Variants in HUWE1 observed in about 807,000 individuals in gnomAD.
The protein encoded by HUWE1 is HECT, UBA and WWE domain containing E3 ubiquitin protein ligase 1, also known as E3 ubiquitin-protein ligase HUWE1.
In HUWE1, 18 loss-of-function variants were observed where a neutral mutation model predicts 299.4. The observed-to-expected ratio is 0.06, with a 90% CI of 0.04 to 0.09. HUWE1 has a LOEUF of 0.09. Among genes scored for constraint, HUWE1 ranks in the 10% least tolerant of loss-of-function variants. The pLI is 1.00. For synonymous variants in HUWE1, 1,317 were observed against 1,286.1 expected (o/e 1.02, Z -0.51); for missense variants, 1,832 against 3,462.3 (o/e 0.53, Z 11.82).
intron 3 of HUWE1, among the ~76,000 whole-genome samples, chrX:53,666,692 C>A: frequency 9.0e-6 from 1 of 111,157 alleles, no homozygotes; most frequent in Admixed American, 9.6e-5. Flanking sequence ...CTCAGCTCCC[C>A]ACATGCTTTA....
At chrX:53,623,235 T>G (rs1408395712) in intron 19 of HUWE1, among the ~76,000 whole-genome samples, 1 of 111,560 alleles carries the variant, frequency 9.0e-6, no homozygotes, top group South Asian at 3.7e-4. Context: ...CTCCTTCTTC[T>G]AAGCTTCCCA....
At chrX:53,551,220 TTC>T in intron 64 of HUWE1, 31 bp from the exon 65 acceptor site, 1 of 1,210,997 alleles carries the variant, frequency 8.3e-7, no homozygotes, top group South Asian at 1.8e-5. Flanking sequence ...ATGAGGGCAT[TTC>T]TCCTGCCAGG....
At chrX:53,540,247 T>C (rs781979679) in intron 74 of HUWE1, among the ~76,000 whole-genome samples, 4 of 112,077 alleles carry the variant, frequency 3.6e-5, no homozygotes, top group Non-Finnish European at 7.5e-5. Flanking sequence ...CCTTGGAAAG[T>C]AGGCTGTCTT....
intron 61 of HUWE1, 44 bp from the exon 62 acceptor site, chrX:53,552,937 C>T (rs1248142574): frequency 5.0e-6 from 6 of 1,199,581 alleles, no homozygotes; most frequent in East Asian, 3.0e-5. Flanking sequence ...TATCTGGAAC[C>T]GGGGCAAAAT....
Position 53,534,522 on chromosome X carries a change from A to T in HUWE1, c.12825T>A (p.Ser4275=), listed in dbSNP as rs1556910083. ...GATGCCAGCAGCAGCTCACCTGAAT[A>T]GAGTTGGACTGGTACTTGTGGTATT... ...NTEYHKYQSN[S]IQIQWFWRAL... The change falls in exon 82 of 84, where the codon TCT becomes TCA. Residue 4275 remains serine (S), a synonymous_variant. Coordinates refer to ENST00000262854, the MANE Select transcript of HUWE1 (RefSeq NM_031407.7). The T allele has an allele frequency of 1.7e-6, 2 of 1,206,240 alleles. No homozygotes were observed. Among genetic ancestry groups the T allele is most frequent in the Admixed American group, 4.4e-5 (2 of 45,718 alleles).
chrX:53,542,726 T>C lies in HUWE1; in HGVS notation c.11380-187A>G. On this transcript the variant is annotated intron_variant, in intron 73 of 83. Transcript: ENST00000262854. ...TCCCAACTCTTCTGCTTTTCTCCAC[T>C]GTGTTTTGTAAGCTTTTCCCAACAG... 8 of 457,260 alleles carry C rather than the reference T, an allele frequency of 1.7e-5. No individual in the cohort carries two copies. In the South Asian group the frequency reaches 2.5e-4, roughly 14 times the overall value. The allele number at this position is 457,260 out of a possible 1,213,427, so 37.7% of individuals were successfully genotyped here.
chrX:53,606,637 A>T (rs781868528), intron 25 of HUWE1, among the ~76,000 whole-genome samples: 2 of 112,159 alleles, frequency 1.8e-5, no homozygotes, highest in East Asian at 5.6e-4. Context: ...ATGGAATATT[A>T]TTAGGCCTTA....
chrX:53,534,784 C>T, intron 81 of HUWE1, 87 bp from the exon 82 acceptor site: 1 of 832,525 alleles, frequency 1.2e-6, no homozygotes, highest in Non-Finnish European at 1.7e-6. Context: ...CCATCTACCA[C>T]TGTTAGCTGG....
intron 74 of HUWE1, among the ~76,000 whole-genome samples, chrX:53,540,412 T>C (rs1436556708): frequency 9.1e-6 from 1 of 109,555 alleles, no homozygotes; most frequent in Non-Finnish European, 1.9e-5. Flanking sequence ...CACTGCAACC[T>C]CCGCCTCCTG....
At position 53,654,062 on chromosome X, in the gene HUWE1, C is replaced by G. The variant is rs1557041711; in HGVS notation, c.45+1G>C. 8.5e-7 allele frequency: 1 copy of G among 1,172,769 alleles called. No homozygotes were observed. On this transcript the variant is annotated splice_donor_variant, in intron 4 of 83. Coordinates refer to ENST00000262854, the MANE Select transcript of HUWE1 (RefSeq NM_031407.7). LOFTEE classifies it high-confidence loss of function. ...AGCAAAGTAAACTTTTGGATACTTA[C>G]AGCCTCAGTAGGTGTCTTCTTCAGT...
intron 27 of HUWE1, 146 bp from the exon 28 acceptor site, chrX:53,602,804 C>CTA (rs2064941959): frequency 5.7e-6 from 2 of 348,307 alleles, no homozygotes. Context: ...AATAAAGCAT[C>CTA]TATAATTCCT....
intron 39 of HUWE1, among the ~76,000 whole-genome samples, chrX:53,585,825 C>A (rs1234179657): frequency 1.8e-5 from 2 of 111,190 alleles, no homozygotes; most frequent in African/African-American, 6.5e-5. Context: ...TAGCTGGGAC[C>A]ATAGGCACAC....
intron 7 of HUWE1, among the ~76,000 whole-genome samples, chrX:53,635,022 CATAT>C (rs2067116113): frequency 9.0e-6 from 1 of 110,879 alleles, no homozygotes; most frequent in East Asian, 2.8e-4. Flanking sequence ...AATTATTTTA[CATAT>C]ATTACATAAA....
intron 4 of HUWE1, among the ~76,000 whole-genome samples, chrX:53,648,955 T>C (rs1557038227): frequency 1.8e-5 from 2 of 111,885 alleles, no homozygotes; most frequent in African/African-American, 6.5e-5. Flanking sequence ...GGATTGAGCA[T>C]TTATAGTCAA....
intron 21 of HUWE1, 21 bp from the exon 22 acceptor site, chrX:53,615,856 GTTAGAA>G (rs1210672470): frequency 1.9e-5 from 21 of 1,095,691 alleles, no homozygotes; most frequent in Non-Finnish European, 2.5e-5. Context: ...AAAATGAACT[GTTAGAA>G]TTAGAAAGAC....
At position 53,536,195 on chromosome X, in the gene HUWE1, C is replaced by G. The variant is rs781831162; in HGVS notation, c.12483G>C (p.Leu4161=). 2 of 1,203,479 alleles carry G rather than the reference C, an allele frequency of 1.7e-6. No individual in the cohort carries two copies. Among genetic ancestry groups the G allele is most frequent in the Non-Finnish European group, 2.2e-6 (2 of 890,078 alleles). Residue 4161 remains leucine, a synonymous_variant, in exon 80 of 84, where the codon CTG becomes CTC. Coordinates refer to ENST00000262854, the MANE Select transcript of HUWE1 (RefSeq NM_031407.7). ...AGCCTAGTGTGGAGACATCATTTTC[C>G]AGCAGATAAACCAGACCTTGGTAGA... ...YHFYQGLVYL[L]ENDVSTLGYD...
In HUWE1 at chrX:53,589,724, A is replaced by G. The variant is rs1556976974; in HGVS notation, c.4284T>C (p.Ala1428=). The G allele has an allele frequency of 8.3e-7, 1 of 1,211,486 alleles. No homozygotes were observed. The highest frequency in any genetic ancestry group is 2.2e-5 in the Admixed American group (1 of 46,025). The change falls in exon 36 of 84, where the codon GCT becomes GCC. Residue 1428 remains alanine, a synonymous_variant. Transcript: ENST00000262854. ...GGAGCTCATCTTGTTCCAACGGGTC[A>G]GCATCCTGGAACTTCTCTAGACATT... ...EAKCLEKFQD[A]DPLEQDELHT...
At position 53,563,829 on chromosome X, in the gene HUWE1, G is replaced by C; in HGVS notation, c.7030-8C>G. The C allele has an allele frequency of 8.3e-7, 1 of 1,207,557 alleles. No individual in the cohort carries two copies. The highest frequency in any genetic ancestry group is 1.1e-6 in the Non-Finnish European group (1 of 892,978). ...CTCCAGCTCATTCTCAACCTGGAGA[G>C]AAATAGAACATATATATGGATGCAC... On this transcript the variant is annotated splice_polypyrimidine_tract_variant and splice_region_variant and intron_variant, in intron 51 of 83. Coordinates refer to ENST00000262854, the MANE Select transcript of HUWE1 (RefSeq NM_031407.7).
chrX:53,565,769 CTA>C, intron 49 of HUWE1, among the ~76,000 whole-genome samples: 1 of 109,988 alleles, frequency 9.1e-6, no homozygotes, highest in East Asian at 2.8e-4. Flanking sequence ...GTCGCTGGGA[CTA>C]CAGGCGTGAG....
Sources: gnomAD v4.1 joint callset for allele counts (sites outside exome capture counted in the v4.1 genomes callset) on GRCh38, gnomAD v4.1.1 for gene constraint, MANE v1.5 for transcripts, NCBI Gene and HGNC (gene_info 2026-07-23, HGNC 2026-07-21) for gene names.